Variants in SEMA3A observed in about 807,000 individuals in gnomAD.
The protein encoded by SEMA3A is semaphorin-3A.
SEMA3A carries 29 observed loss-of-function variants against 97.9 expected under a neutral mutation model. The ratio of observed to expected loss-of-function variants is 0.30; its 90% CI spans 0.22 to 0.40. The LOEUF is 0.40. Ranked by LOEUF, SEMA3A falls within the 10% of genes least tolerant of loss-of-function variation. The pLI is 1.00. For missense variants in SEMA3A, 763 were observed against 951.3 expected, an observed-to-expected ratio of 0.80 and a Z score of 2.60; for synonymous variants, 321 against 323.7, an observed-to-expected ratio of 0.99 and a Z score of 0.09.
intron 4 of SEMA3A, among the ~76,000 whole-genome samples, chr7:84,102,174 C>T (rs934307452): frequency 4.6e-5 from 7 of 152,090 alleles, no homozygotes; most frequent in African/African-American, 1.7e-4. Flanking sequence ...GCCCTATCAC[C>T]AATCAACTGT....
chr7:84,150,672 C>T (rs1311858242), intron 1 of SEMA3A, among the ~76,000 whole-genome samples: 1 of 152,134 alleles, frequency 6.6e-6, no homozygotes, highest in African/African-American at 2.4e-5. Context: ...GAGGGGCGCC[C>T]GCCATTGCCC....
At chr7:84,394,300 T>G (rs1025242481) in intron 1 of SEMA3A, among the ~76,000 whole-genome samples, 5 of 152,130 alleles carry the variant, frequency 3.3e-5, no homozygotes, top group Admixed American at 3.3e-4. Flanking sequence ...TTAACTTCTA[T>G]GTGTTGATTG....
At chr7:84,082,066 AG>A (rs978629758) in intron 4 of SEMA3A, among the ~76,000 whole-genome samples, 6 of 152,282 alleles carry the variant, frequency 3.9e-5, no homozygotes, top group Non-Finnish European at 5.9e-5. Flanking sequence ...AACAAGGTTA[AG>A]GGTGGTTTGC....
chr7:84,263,261 C>T (rs1460651253), intron 3 of SEMA3A, among the ~76,000 whole-genome samples: 1 of 152,122 alleles, frequency 6.6e-6, no homozygotes, highest in African/African-American at 2.4e-5. Flanking sequence ...GACAAAGAGC[C>T]GGCATGTGTA....
intron 1 of SEMA3A, among the ~76,000 whole-genome samples, chr7:84,470,191 A>G (rs1806110631): frequency 6.6e-6 from 1 of 152,050 alleles, no homozygotes; most frequent in Middle Eastern, 3.4e-3. Flanking sequence ...TACTATACTT[A>G]TAATTTTAAA....
chr7:84,439,307 C>T (rs922735327), intron 1 of SEMA3A, among the ~76,000 whole-genome samples: 1 of 151,932 alleles, frequency 6.6e-6, no homozygotes, highest in Non-Finnish European at 1.5e-5. Flanking sequence ...GTAGAATGTA[C>T]AAGGAAGCAT....
chr7:84,361,143 G>T (rs1802709893), intron 2 of SEMA3A, among the ~76,000 whole-genome samples: 1 of 151,806 alleles, frequency 6.6e-6, no homozygotes, highest in Admixed American at 6.6e-5. Flanking sequence ...ATTGACTTTG[G>T]GAAAAATAAG....
chr7:84,488,001 A>G (rs1350252225), intron 1 of SEMA3A, among the ~76,000 whole-genome samples: 1 of 152,060 alleles, frequency 6.6e-6, no homozygotes, highest in African/African-American at 2.4e-5. Flanking sequence ...TGTGTTTGTA[A>G]AAGTAAACTA....
chr7:84,263,999 G>A (rs1444825900), intron 3 of SEMA3A, among the ~76,000 whole-genome samples: 1 of 152,146 alleles, frequency 6.6e-6, no homozygotes, highest in Non-Finnish European at 1.5e-5. Context: ...ATTTTTAAAT[G>A]TAAGTTGTAA....
At chr7:84,018,067 A>G (rs1025909159) in intron 6 of SEMA3A, among the ~76,000 whole-genome samples, 2 of 152,176 alleles carry the variant, frequency 1.3e-5, no homozygotes, top group African/African-American at 4.8e-5. Flanking sequence ...ATCACTATAG[A>G]TTTATTATCA....
intron 12 of SEMA3A, among the ~76,000 whole-genome samples, chr7:83,988,882 C>T (rs1413351604): frequency 7.6e-6 from 1 of 131,480 alleles, no homozygotes; most frequent in Non-Finnish European, 1.6e-5. Context: ...TTTTTTCTGA[C>T]AGAGTCTCGC....
At chr7:84,294,637 G>C (rs1800826767) in intron 3 of SEMA3A, among the ~76,000 whole-genome samples, 1 of 151,776 alleles carries the variant, frequency 6.6e-6, no homozygotes, top group African/African-American at 2.4e-5. Context: ...TTGATTGTAG[G>C]ACATTTATTT....
At chr7:84,239,091 T>C (rs1799301610) in intron 3 of SEMA3A, among the ~76,000 whole-genome samples, 1 of 152,148 alleles carries the variant, frequency 6.6e-6, no homozygotes, top group Non-Finnish European at 1.5e-5. Context: ...AATTATATCA[T>C]AATGCTAATA....
intron 1 of SEMA3A, among the ~76,000 whole-genome samples, chr7:84,445,917 T>A (rs568854715): frequency 6.6e-6 from 1 of 151,760 alleles, no homozygotes; most frequent in Admixed American, 6.6e-5. Flanking sequence ...AACCAAAAGT[T>A]TACCCTCTTA....
At chr7:84,198,699 T>C (rs1324860748), upstream of SEMA3A, among the ~76,000 whole-genome samples, 4 of 152,340 alleles carry the variant, frequency 2.6e-5, no homozygotes, top group East Asian at 3.9e-4. Context: ...ACTCCTGCCG[T>C]GGAGTTACAT....
At chr7:84,064,795 A>C (rs1441580080) in intron 4 of SEMA3A, among the ~76,000 whole-genome samples, 135 of 150,962 alleles carry the variant, frequency 8.9e-4, no homozygotes, top group African/African-American at 3.0e-3. Flanking sequence ...CTACAAAGAG[A>C]CTTAGACTCC....
intron 9 of SEMA3A, among the ~76,000 whole-genome samples, chr7:84,008,504 A>AAAAAG (rs796161316): frequency 1.0e-5 from 1 of 97,860 alleles, no homozygotes; most frequent in East Asian, 2.5e-4. Flanking sequence ...AAAAAAAAAA[A>AAAAAG]AAAAGAAAGA....
chr7:84,448,439 C>A (rs889506546), intron 1 of SEMA3A, among the ~76,000 whole-genome samples: 1 of 152,022 alleles, frequency 6.6e-6, no homozygotes, highest in Non-Finnish European at 1.5e-5. Flanking sequence ...TAAATGAATT[C>A]ATTAAAGTAG....
At chr7:84,344,273 C>T (rs1802241529) in intron 2 of SEMA3A, among the ~76,000 whole-genome samples, 1 of 152,044 alleles carries the variant, frequency 6.6e-6, no homozygotes, top group Admixed American at 6.6e-5. Flanking sequence ...CAGATTTACC[C>T]TTCCACTTAA....
Sources: gnomAD v4.1 joint callset for allele counts (sites outside exome capture counted in the v4.1 genomes callset) on GRCh38, gnomAD v4.1.1 for gene constraint, MANE v1.5 for transcripts, NCBI Gene and HGNC (gene_info 2026-07-23, HGNC 2026-07-21) for gene names.